ZC3H12B: variants seen among roughly 807,000 people sequenced by gnomAD.
ZC3H12B encodes zinc finger CCCH-type containing 12B, also known as probable ribonuclease ZC3H12B.
ZC3H12B carries 7 observed loss-of-function variants against 43.9 expected under a neutral mutation model. The observed-to-expected ratio is 0.16, with a 90% confidence interval of 0.09 to 0.30. The LOEUF is 0.30. Ranked by LOEUF, ZC3H12B falls within the 10% of genes least tolerant of loss-of-function variation. The pLI, the probability that ZC3H12B is intolerant of heterozygous loss-of-function variation, is 1.00. For synonymous variants in ZC3H12B, 222 were observed against 241.7 expected, an observed-to-expected ratio of 0.92 and a Z score of 0.76; for missense variants, 475 against 670.2, an observed-to-expected ratio of 0.71 and a Z score of 3.22.
chrX:65,085,391 T>A, the ZC3H12B span, among the ~76,000 whole-genome samples: 1 of 111,230 alleles, frequency 9.0e-6, no homozygotes, highest in East Asian at 2.8e-4. Context: ...CATATATACC[T>A]ACTATGTACT....
chrX:65,163,225 A>G, the ZC3H12B span, among the ~76,000 whole-genome samples: 1 of 111,166 alleles, frequency 9.0e-6, no homozygotes, highest in Non-Finnish European at 1.9e-5. Context: ...GGGGTCAGGG[A>G]CCCACTTGAG....
chrX:65,335,563 CG>C, the ZC3H12B span, among the ~76,000 whole-genome samples: 1 of 111,119 alleles, frequency 9.0e-6, no homozygotes, highest in Non-Finnish European at 1.9e-5. Flanking sequence ...AAATTCAAGA[CG>C]GTTCTTGGAG....
the ZC3H12B span, among the ~76,000 whole-genome samples, chrX:65,312,305 C>A: frequency 1.8e-5 from 2 of 111,295 alleles, no homozygotes; most frequent in Non-Finnish European, 3.8e-5. Context: ...AGGGAACAGA[C>A]AATACCTCTG....
the ZC3H12B span, among the ~76,000 whole-genome samples, chrX:65,130,374 T>G: frequency 9.0e-6 from 1 of 110,965 alleles, no homozygotes; most frequent in African/African-American, 3.3e-5. Context: ...TGTGGTGACC[T>G]TTTTAGACCC....
chrX:65,153,079 A>T, the ZC3H12B span, among the ~76,000 whole-genome samples: 3 of 112,033 alleles, frequency 2.7e-5, no homozygotes, highest in South Asian at 3.7e-4. Flanking sequence ...TACAAAAATT[A>T]ATTCAAGATG....
At chrX:65,335,345 A>G in the ZC3H12B span, among the ~76,000 whole-genome samples, 2 of 111,761 alleles carry the variant, frequency 1.8e-5, no homozygotes, top group African/African-American at 6.5e-5. Flanking sequence ...TTAAAAAAGA[A>G]GGTCCTTTTA....
At chrX:65,273,061 C>T in the ZC3H12B span, 1 of 112,029 alleles carries the variant, frequency 8.9e-6, no homozygotes, top group Admixed American at 9.5e-5. Flanking sequence ...TCTGTTATGG[C>T]CACTAACAGT....
chrX:65,191,946 A>C, the ZC3H12B span, among the ~76,000 whole-genome samples: 1 of 105,270 alleles, frequency 9.5e-6, no homozygotes, highest in African/African-American at 3.5e-5. Context: ...TTAGTGCTAT[A>C]AATTTCCCTC....
At chrX:65,419,342 G>A (rs1293159223) in intron 3 of ZC3H12B, among the ~76,000 whole-genome samples, 1 of 111,816 alleles carries the variant, frequency 8.9e-6, no homozygotes, top group Non-Finnish European at 1.9e-5. Flanking sequence ...CAGGGGTGGT[G>A]ATTCGCATTA....
the ZC3H12B span, among the ~76,000 whole-genome samples, chrX:65,173,390 C>T: frequency 9.0e-6 from 1 of 111,686 alleles, no homozygotes; most frequent in Non-Finnish European, 1.9e-5. Flanking sequence ...GTCTTTCTCT[C>T]TTACTGTTTG....
At chrX:65,296,167 A>G in the ZC3H12B span, among the ~76,000 whole-genome samples, 1 of 112,211 alleles carries the variant, frequency 8.9e-6, no homozygotes, top group Non-Finnish European at 1.9e-5. Context: ...ACCATGGAAT[A>G]CTACTCAGGC....
At chrX:65,116,994 A>T in the ZC3H12B span, among the ~76,000 whole-genome samples, 2 of 111,781 alleles carry the variant, frequency 1.8e-5, no homozygotes, top group Admixed American at 1.9e-4. Context: ...AGTCTTTGCT[A>T]TTGTGAATAG....
At chrX:65,382,869 T>A (rs896061359) in intron 2 of ZC3H12B, among the ~76,000 whole-genome samples, 1 of 110,871 alleles carries the variant, frequency 9.0e-6, no homozygotes, top group Non-Finnish European at 1.9e-5. Context: ...TCCAAGAGAA[T>A]AAAATACCTA....
chrX:65,355,974 A>T, the ZC3H12B span, among the ~76,000 whole-genome samples: 1 of 111,990 alleles, frequency 8.9e-6, no homozygotes. Flanking sequence ...TAAAGAAATA[A>T]AATAAAATTC....
At chrX:65,158,315 A>G in the ZC3H12B span, among the ~76,000 whole-genome samples, 1 of 111,254 alleles carries the variant, frequency 9.0e-6, no homozygotes, top group African/African-American at 3.3e-5. Flanking sequence ...GTCAAATGGT[A>G]TTTCTAGTTG....
chrX:65,505,681 T>G (rs1258666331), exon 5 of ZC3H12B: 7 of 112,009 alleles, frequency 6.2e-5, no homozygotes, highest in African/African-American at 2.3e-4. Context: ...TAGTTCATCT[T>G]CCTACCAAGA....
chrX:65,255,755 G>C, the ZC3H12B span, among the ~76,000 whole-genome samples: 1 of 112,297 alleles, frequency 8.9e-6, no homozygotes, highest in East Asian at 2.8e-4. Context: ...GTTGGATAAA[G>C]AAGCAAGACC....
chrX:65,305,833 A>C, the ZC3H12B span, among the ~76,000 whole-genome samples: 1 of 111,630 alleles, frequency 9.0e-6, no homozygotes, highest in East Asian at 2.8e-4. Context: ...CAAGAACACT[A>C]TAACTACATG....
chrX:65,307,341 C>T, the ZC3H12B span, among the ~76,000 whole-genome samples: 2 of 111,120 alleles, frequency 1.8e-5, no homozygotes, highest in African/African-American at 3.3e-5. Context: ...AGAAAAGCAC[C>T]CTCAAATGCC....
Sources: gnomAD v4.1 joint callset for allele counts (sites outside exome capture counted in the v4.1 genomes callset) on GRCh38, gnomAD v4.1.1 for gene constraint, MANE v1.5 for transcripts, NCBI Gene and HGNC (gene_info 2026-07-23, HGNC 2026-07-21) for gene names.